Variants in PTPRM observed in about 807,000 individuals in gnomAD.
The protein encoded by PTPRM is protein tyrosine phosphatase receptor type M, also known as receptor-type tyrosine-protein phosphatase mu.
A neutral mutation model predicts 186.7 loss-of-function variants in PTPRM; 47 were observed. The observed-to-expected ratio is 0.25, with a 90% confidence interval of 0.20 to 0.32. PTPRM has a LOEUF of 0.32. Ranked by LOEUF, PTPRM falls within the 10% of genes least tolerant of loss-of-function variation. The probability of loss-of-function intolerance (pLI) is 1.00; values close to 1 mark genes in which losing one functional copy is unlikely to be tolerated. For missense variants in PTPRM, 1,494 were observed against 1,865.0 expected (o/e 0.80, Z 3.66); for synonymous variants, 668 against 674.9 (o/e 0.99, Z 0.16).
chr18:8,157,377 G>A (rs576604973), intron 14 of PTPRM, among the ~76,000 whole-genome samples: 19 of 152,320 alleles, frequency 1.2e-4, no homozygotes, highest in African/African-American at 4.3e-4. Flanking sequence ...AAGTCTTTGT[G>A]TCCGGACATG....
chr18:8,134,566 C>T (rs762368104), intron 13 of PTPRM, among the ~76,000 whole-genome samples: 1 of 152,102 alleles, frequency 6.6e-6, no homozygotes, highest in Non-Finnish European at 1.5e-5. Context: ...ATATCATGCT[C>T]CAGGATTATG....
At chr18:8,331,091 A>G (rs141224493) in intron 22 of PTPRM, among the ~76,000 whole-genome samples, 28 of 23,068 alleles carry the variant, frequency 1.2e-3, no homozygotes, top group Admixed American at 2.2e-3. Flanking sequence ...TGTGTCAAGA[A>G]TAATAGAAAC....
intron 2 of PTPRM, among the ~76,000 whole-genome samples, chr18:7,808,767 A>C (rs546980892): frequency 1.5e-4 from 23 of 152,372 alleles, no homozygotes; most frequent in African/African-American, 4.8e-4. Flanking sequence ...AAGAAATGAC[A>C]AATGTGTTAG....
chr18:7,804,725 A>G (rs987542785), intron 2 of PTPRM, among the ~76,000 whole-genome samples: 1 of 152,226 alleles, frequency 6.6e-6, no homozygotes, highest in Non-Finnish European at 1.5e-5. Flanking sequence ...TAAACTTTAT[A>G]TAATAATGAA....
intron 13 of PTPRM, among the ~76,000 whole-genome samples, chr18:8,117,402 A>G (rs899664655): frequency 2.0e-5 from 3 of 152,208 alleles, no homozygotes; most frequent in African/African-American, 7.2e-5. Context: ...AACTGTTGAC[A>G]AGTATCTTTA....
rs879244413 is a variant in PTPRM at position 8,380,302 on chromosome 18, A to G, written c.3793A>G (p.Lys1265Glu). 1 of 1,613,570 alleles carries G rather than the reference A, an allele frequency of 6.2e-7. No individual in the cohort carries two copies. Among genetic ancestry groups the G allele is most frequent in the Non-Finnish European group, 8.5e-7 (1 of 1,179,562 alleles). ...TTCTTGTTTGTGTTTGCAGAGCTAT[A>G]AACAGCCTTCAGCTTTTATAGTCAC... is the stretch of plus-strand genomic sequence containing the variant. ...YINAALMDSY[K>E]QPSAFIVTQH... The change falls in exon 29 of 33, where the codon AAA becomes GAA. Residue 1265 changes from lysine (K) to glutamate (E), a missense_variant. Physicochemically the swap from Lys to Glu is moderately conservative, Grantham distance 56. Transcript: ENST00000580170.
chr18:7,656,938 C>G (rs1476836672), intron 1 of PTPRM, among the ~76,000 whole-genome samples: 1 of 152,112 alleles, frequency 6.6e-6, no homozygotes, highest in Non-Finnish European at 1.5e-5. Flanking sequence ...GTTCTTTCCC[C>G]CTTTCACTGC....
chr18:7,802,710 T>C (rs2044035719), intron 2 of PTPRM, among the ~76,000 whole-genome samples: 1 of 152,226 alleles, frequency 6.6e-6, no homozygotes, highest in Non-Finnish European at 1.5e-5. Flanking sequence ...ATTTTTTTCC[T>C]GCAATAAGAA....
At chr18:7,765,133 A>G (rs1221387199) in intron 1 of PTPRM, among the ~76,000 whole-genome samples, 1 of 152,222 alleles carries the variant, frequency 6.6e-6, no homozygotes, top group East Asian at 1.9e-4. Context: ...TTTTACTATC[A>G]ATAAGAAAAA....
intron 13 of PTPRM, among the ~76,000 whole-genome samples, chr18:8,127,263 G>A (rs1288354461): frequency 6.6e-6 from 1 of 152,126 alleles, no homozygotes; most frequent in Non-Finnish European, 1.5e-5. Flanking sequence ...CCAGCATGGA[G>A]GAGCACATGC....
chr18:8,312,613 G>A (rs1256455968), intron 20 of PTPRM, among the ~76,000 whole-genome samples: 2 of 151,940 alleles, frequency 1.3e-5, no homozygotes, highest in African/African-American at 4.8e-5. Flanking sequence ...CACAAGGTAG[G>A]CACTCTTCAT....
At chr18:8,260,851 C>G (rs543481195) in intron 19 of PTPRM, among the ~76,000 whole-genome samples, 1 of 152,206 alleles carries the variant, frequency 6.6e-6, no homozygotes, top group South Asian at 2.1e-4. Context: ...GAAGGCGCCC[C>G]GGGCATCTGG....
intron 23 of PTPRM, among the ~76,000 whole-genome samples, chr18:8,349,337 A>T (rs1448551014): frequency 6.6e-6 from 1 of 152,246 alleles, no homozygotes; most frequent in African/African-American, 2.4e-5. Flanking sequence ...CAAACTCATA[A>T]GAAAGGGAAG....
At chr18:7,862,392 A>G (rs769990121) in intron 2 of PTPRM, among the ~76,000 whole-genome samples, 14 of 152,218 alleles carry the variant, frequency 9.2e-5, no homozygotes, top group Non-Finnish European at 1.9e-4. Flanking sequence ...CAACTACATC[A>G]TATTTGAAGG....
chr18:7,842,947 T>TATATATATATATATATATAGAGAGAGAG (rs370746043), intron 2 of PTPRM, among the ~76,000 whole-genome samples: 1 of 112,118 alleles, frequency 8.9e-6, no homozygotes, highest in Admixed American at 9.2e-5. Flanking sequence ...TATATATATA[T>TATATATATATATATATATAGAGAGAGAG]AGAGAGAGAG....
chr18:7,874,914 C>G (rs1035801729), intron 2 of PTPRM, among the ~76,000 whole-genome samples: 1 of 152,216 alleles, frequency 6.6e-6, no homozygotes, highest in African/African-American at 2.4e-5. Flanking sequence ...CACAAATGGC[C>G]TGGCGCAGTG....
chr18:7,619,678 G>A (rs1410634072), intron 1 of PTPRM, among the ~76,000 whole-genome samples: 2 of 152,160 alleles, frequency 1.3e-5, no homozygotes, highest in Non-Finnish European at 2.9e-5. Flanking sequence ...TAGTAAAGAC[G>A]TCCCGAATGT....
rs574441419 is a variant in PTPRM at position 7,835,867 on chromosome 18, T to A, written c.197-52239T>A. Among the ~76,000 whole-genome samples the A allele has an allele frequency of 8.5e-4, 122 of 142,964 alleles. 1 individual carries two copies. In the Middle Eastern group the frequency reaches 0.011, roughly 13 times the overall value. 93.8% of individuals were successfully genotyped at this position (142,964 alleles called of 152,430 possible). A position where few individuals can be genotyped will look rare whatever the true frequency, so the allele number is the denominator to read the frequency against. ...TTTTTTTTGTTTTGTTTTGTTTTGT[T>A]TTGTTTTGTTTTTTATCTTGAAAGC... On this transcript the variant is annotated intron_variant, in intron 2 of 32. Transcript: ENST00000580170.
intron 23 of PTPRM, among the ~76,000 whole-genome samples, chr18:8,364,657 C>G (rs545187321): frequency 1.3e-5 from 2 of 152,244 alleles, no homozygotes; most frequent in Non-Finnish European, 1.5e-5. Context: ...CCAAACACAA[C>G]TATTAATAGA....
Sources: gnomAD v4.1 joint callset for allele counts (sites outside exome capture counted in the v4.1 genomes callset) on GRCh38, gnomAD v4.1.1 for gene constraint, MANE v1.5 for transcripts, NCBI Gene and HGNC (gene_info 2026-07-23, HGNC 2026-07-21) for gene names.